The following LMLN variants were observed in gnomAD, a reference collection of about 807,000 sequenced individuals.
LMLN encodes the protein leishmanolysin-like peptidase.
LMLN carries 70 observed loss-of-function variants against 92.3 expected under a neutral mutation model. The observed-to-expected ratio is 0.76, with a 90% CI of 0.63 to 0.92. The LOEUF is 0.92. Ranked by LOEUF, LMLN falls within the 40% of genes least tolerant of loss-of-function variation. The pLI is 0.00. For missense variants in LMLN, 691 were observed against 814.6 expected (o/e 0.85, Z 1.85); for synonymous variants, 308 against 296.2 (o/e 1.04, Z -0.41).
At chr3:197,993,960 T>C (rs1298821207) in intron 9 of LMLN, among the ~76,000 whole-genome samples, 1 of 152,134 alleles carries the variant, frequency 6.6e-6, no homozygotes, top group Non-Finnish European at 1.5e-5. Flanking sequence ...ATTGACTTGA[T>C]TATGATTAAC....
intron 11 of LMLN, among the ~76,000 whole-genome samples, chr3:198,014,725 C>G (rs553279081): frequency 7.0e-6 from 1 of 142,122 alleles, no homozygotes; most frequent in Non-Finnish European, 1.5e-5. Flanking sequence ...TCTCTCCACT[C>G]TTCAGAGCCC....
At chr3:197,978,075 T>A (rs1721451193) in intron 5 of LMLN, among the ~76,000 whole-genome samples, 1 of 151,504 alleles carries the variant, frequency 6.6e-6, no homozygotes, top group South Asian at 2.1e-4. Context: ...ATAAAAATTA[T>A]CAAACAATCT....
chr3:198,036,505 G>A (rs1009038731), intron 15 of LMLN, among the ~76,000 whole-genome samples: 1 of 152,172 alleles, frequency 6.6e-6, no homozygotes, highest in African/African-American at 2.4e-5. Flanking sequence ...TAACACACAT[G>A]CGAAATGAGA....
intron 1 of LMLN, among the ~76,000 whole-genome samples, chr3:197,965,610 G>C (rs1283341118): frequency 2.0e-5 from 3 of 152,084 alleles, no homozygotes; most frequent in African/African-American, 7.2e-5. Flanking sequence ...CTTTACTTCA[G>C]ATTTTCTCTA....
At chr3:198,021,484 G>A (rs35267865) in exon 13 of LMLN, 26,690 of 1,614,010 alleles carry the variant, frequency 0.017, 285 homozygotes, top group Non-Finnish European at 0.019. Context: ...CAGAAGATTT[G>A]CCTTATTATG....
chr3:197,982,223 C>CTTTTTT (rs1241377836), intron 6 of LMLN, among the ~76,000 whole-genome samples: 3 of 116,540 alleles, frequency 2.6e-5, no homozygotes, highest in African/African-American at 3.5e-5. Flanking sequence ...CAGTTACCTT[C>CTTTTTT]TTTTTTTTTT....
At chr3:197,976,815 G>A (rs1366454635) in intron 5 of LMLN, 100 bp downstream of exon 5, 2 of 525,428 alleles carry the variant, frequency 3.8e-6, no homozygotes, top group Non-Finnish European at 6.8e-6. Context: ...AGGCTTAGTA[G>A]CTTCCTTGGT....
Position 198,013,593 on chromosome 3 carries a change from C to T in LMLN, c.1233-5660C>T, listed in dbSNP as rs555903490. On this transcript the variant is annotated intron_variant, in intron 11 of 15. Coordinates refer to ENST00000330198, the Ensembl canonical transcript of LMLN. ...CTCTGTACCCTTCAGAGCCCCTTAA[C>T]TAGTCTGACTTCTCTGTACCCTTCA... Among the ~76,000 whole-genome samples, 595 of 114,700 alleles carry T rather than the reference C, an allele frequency of 5.2e-3. 36 individuals carry two copies. The highest frequency in any genetic ancestry group is 0.016 in the Middle Eastern group (4 of 252). 75.2% of individuals were successfully genotyped at this position (114,700 alleles called of 152,430 possible). A position where few individuals can be genotyped will look rare whatever the true frequency, so the allele number is the denominator to read the frequency against.
intron 14 of LMLN, among the ~76,000 whole-genome samples, chr3:198,033,149 C>T (rs1723121462): frequency 6.6e-6 from 1 of 152,154 alleles, no homozygotes; most frequent in Non-Finnish European, 1.5e-5. Flanking sequence ...GGGAGTTTTC[C>T]TCTTGTCCTA....
chr3:197,998,894 A>G (rs1017005062), intron 10 of LMLN, among the ~76,000 whole-genome samples: 3 of 152,312 alleles, frequency 2.0e-5, no homozygotes, highest in South Asian at 4.1e-4. Flanking sequence ...TCAGACAGCT[A>G]TTCTCCCTGA....
At chr3:198,038,286 A>G (rs1335237426) in intron 15 of LMLN, 1 of 349,464 alleles carries the variant, frequency 2.9e-6, no homozygotes, top group African/African-American at 2.1e-5. Flanking sequence ...AATAACCAAG[A>G]TCTTTATCTT....
intron 11 of LMLN, among the ~76,000 whole-genome samples, chr3:198,013,864 C>A (rs1340718498): frequency 7.0e-6 from 1 of 143,684 alleles, no homozygotes. Context: ...AGTCTGACTT[C>A]TCTGTACCCT....
chr3:198,029,378 A>G (rs1273878073), intron 14 of LMLN, among the ~76,000 whole-genome samples: 1 of 152,196 alleles, frequency 6.6e-6, no homozygotes, highest in East Asian at 1.9e-4. Context: ...GTCTGCTTCC[A>G]AAAAACTACA....
chr3:197,983,830 A>T, intron 6 of LMLN, 113 bp from the exon 7 acceptor site: 1 of 645,112 alleles, frequency 1.6e-6, no homozygotes, highest in Non-Finnish European at 2.7e-6. Context: ...ACAAAATTGC[A>T]TTGGATACTT....
chr3:198,027,769 C>T (rs1722973931), intron 14 of LMLN, among the ~76,000 whole-genome samples: 1 of 152,172 alleles, frequency 6.6e-6, no homozygotes, highest in Non-Finnish European at 1.5e-5. Context: ...TTGATGGACA[C>T]TTAGGTCGTT....
intron 14 of LMLN, among the ~76,000 whole-genome samples, chr3:198,026,943 G>A (rs907356411): frequency 2.0e-5 from 3 of 152,050 alleles, no homozygotes; most frequent in Non-Finnish European, 4.4e-5. Context: ...TCTTAGTAAG[G>A]TAGGAAATGT....
At chr3:198,009,763 A>G (rs1452684599) in intron 11 of LMLN, among the ~76,000 whole-genome samples, 1 of 152,148 alleles carries the variant, frequency 6.6e-6, no homozygotes, top group Admixed American at 6.6e-5. Flanking sequence ...TTATGTGTAT[A>G]GGGTTTTTTG....
intron 9 of LMLN, among the ~76,000 whole-genome samples, chr3:197,993,055 C>CA (rs1560142746): frequency 6.6e-6 from 1 of 151,886 alleles, no homozygotes; most frequent in Non-Finnish European, 1.5e-5. Flanking sequence ...TCAATAGATG[C>CA]AAAAAAATCA....
At chr3:198,022,110 A>G (rs1444051248) in intron 13 of LMLN, among the ~76,000 whole-genome samples, 1 of 152,170 alleles carries the variant, frequency 6.6e-6, no homozygotes, top group African/African-American at 2.4e-5. Flanking sequence ...TACCTCAGAT[A>G]AGCTGCTTTT....
Sources: gnomAD v4.1 joint callset for allele counts (sites outside exome capture counted in the v4.1 genomes callset) on GRCh38, gnomAD v4.1.1 for gene constraint, MANE v1.5 for transcripts, NCBI Gene and HGNC (gene_info 2026-07-23, HGNC 2026-07-21) for gene names.